Variants in MAN1A2 observed in about 807,000 individuals in gnomAD.
The protein encoded by MAN1A2 is mannosyl-oligosaccharide 1,2-alpha-mannosidase IB.
Under a neutral mutation model 75.7 loss-of-function variants are expected in MAN1A2, and 26 were observed. That is an observed-to-expected ratio of 0.34 (90% confidence interval 0.25 to 0.48). The LOEUF (loss-of-function observed/expected upper bound fraction) is 0.48, where lower values mean the gene tolerates loss of function less well. Among genes scored for constraint, MAN1A2 ranks in the 20% least tolerant of loss-of-function variants. The pLI is 0.99. For synonymous variants in MAN1A2, 247 were observed against 264.6 expected (o/e 0.93, Z 0.65); for missense variants, 562 against 775.5 (o/e 0.72, Z 3.27).
intron 12 of MAN1A2, among the ~76,000 whole-genome samples, chr1:117,505,789 A>G (rs1201932566): frequency 6.6e-6 from 1 of 151,366 alleles, no homozygotes; most frequent in East Asian, 1.9e-4. Context: ...TTGCTAAATT[A>G]TAAAATGACT....
chr1:117,378,674 A>G (rs1037591565), intron 1 of MAN1A2, among the ~76,000 whole-genome samples: 4 of 152,052 alleles, frequency 2.6e-5, no homozygotes, highest in African/African-American at 9.7e-5. Context: ...TGAAGTGGTT[A>G]TTATACCAGT....
chr1:117,417,895 C>A (rs901198328), intron 4 of MAN1A2, among the ~76,000 whole-genome samples: 4 of 151,540 alleles, frequency 2.6e-5, no homozygotes, highest in African/African-American at 9.7e-5. Context: ...GCTTGGGCAA[C>A]ATAGTGAGAC....
chr1:117,396,284 A>G (rs1045396306), intron 1 of MAN1A2, among the ~76,000 whole-genome samples: 2 of 152,186 alleles, frequency 1.3e-5, no homozygotes, highest in Non-Finnish European at 2.9e-5. Flanking sequence ...CCCATAATAA[A>G]CAAGCACACT....
chr1:117,471,877 G>A (rs967132622), intron 8 of MAN1A2, among the ~76,000 whole-genome samples: 3 of 151,890 alleles, frequency 2.0e-5, no homozygotes, highest in Non-Finnish European at 2.9e-5. Flanking sequence ...GAAGAAACCG[G>A]ATCAGGTTTT....
At chr1:117,461,330 A>G (rs918828872) in intron 7 of MAN1A2, among the ~76,000 whole-genome samples, 6 of 152,182 alleles carry the variant, frequency 3.9e-5, no homozygotes, top group African/African-American at 1.4e-4. Context: ...GTTCTCATTC[A>G]TATGTGGGAG....
chr1:117,458,523 A>ATATATATTTTTTTTT (rs1553236643), intron 6 of MAN1A2, among the ~76,000 whole-genome samples: 1 of 105,610 alleles, frequency 9.5e-6, no homozygotes, highest in Non-Finnish European at 2.0e-5. Flanking sequence ...ATATATATAT[A>ATATATATTTTTTTTT]TTTTTTTTTT....
intron 8 of MAN1A2, among the ~76,000 whole-genome samples, chr1:117,488,033 A>G (rs1038137492): frequency 6.6e-6 from 1 of 152,050 alleles, no homozygotes. Context: ...TTCTTGTTCT[A>G]TCTGAAATGT....
intron 5 of MAN1A2, among the ~76,000 whole-genome samples, chr1:117,433,740 G>GCAAACTGCACA (rs1279843882): frequency 1.3e-5 from 2 of 152,090 alleles, no homozygotes; most frequent in Admixed American, 6.5e-5. Flanking sequence ...CACACACTTT[G>GCAAACTGCACA]CAGTTTGCAC....
intron 3 of MAN1A2, 150 bp from the exon 4 acceptor site, chr1:117,414,562 AT>A: frequency 2.2e-6 from 1 of 451,300 alleles, no homozygotes; most frequent in Non-Finnish European, 4.0e-6. Context: ...GGTATTCTAA[AT>A]TTTTAGTCCT....
chr1:117,481,095 G>T (rs1361196679), intron 8 of MAN1A2, among the ~76,000 whole-genome samples: 1 of 151,804 alleles, frequency 6.6e-6, no homozygotes, highest in Non-Finnish European at 1.5e-5. Flanking sequence ...CCACTGTTCT[G>T]CCCAGTATTT....
intron 9 of MAN1A2, among the ~76,000 whole-genome samples, chr1:117,496,313 T>C (rs1195883525): frequency 6.6e-6 from 1 of 152,022 alleles, no homozygotes; most frequent in East Asian, 1.9e-4. Flanking sequence ...ATTTTAAAAC[T>C]GAAATGTGAT....
chr1:117,396,082 C>T (rs979506299), intron 1 of MAN1A2, among the ~76,000 whole-genome samples: 1 of 152,176 alleles, frequency 6.6e-6, no homozygotes, highest in African/African-American at 2.4e-5. Flanking sequence ...TTTTATGGGG[C>T]TTCATTATGT....
At chr1:117,436,692 G>A (rs968898405) in intron 5 of MAN1A2, among the ~76,000 whole-genome samples, 9 of 152,306 alleles carry the variant, frequency 5.9e-5, no homozygotes, top group Admixed American at 1.3e-4. Context: ...CAAGCTGAGT[G>A]TTCTCCTATA....
chr1:117,420,646 G>C lies in MAN1A2; in HGVS notation c.852G>C (p.Glu284Asp), dbSNP rs746283013. The stretch of plus-strand genomic sequence containing the variant: ...TTGCAGCATATTACCTATCAGGAGA[G>C]GAGGTGAGCAAAATCAAGCAATGCA... Reference protein sequence around the residue: ...GLLAAYYLSGEEIFKIKAVQL... With the variant: ...GLLAAYYLSGDEIFKIKAVQL... Residue 284 changes from glutamate (E) to aspartate (D), a missense_variant, in exon 5 of 13, where the codon GAG (glutamate) becomes GAC (aspartate). Glu to Asp is a conservative substitution (Grantham distance 45, BLOSUM62 2). Coordinates refer to ENST00000356554, the MANE Select transcript of MAN1A2 (RefSeq NM_006699.5). 1 of 1,610,992 alleles carries C rather than the reference G, an allele frequency of 6.2e-7. No homozygotes were observed. Among genetic ancestry groups the C allele is most frequent in the South Asian group, 1.1e-5 (1 of 90,914 alleles).
chr1:117,514,895 A>G (rs1294091834), intron 12 of MAN1A2: 1 of 533,132 alleles, frequency 1.9e-6, no homozygotes, highest in Non-Finnish European at 3.9e-6. Context: ...GGATGAAAAG[A>G]GTAGCATCAA....
intron 6 of MAN1A2, among the ~76,000 whole-genome samples, chr1:117,457,362 A>C (rs1229762726): frequency 6.6e-6 from 1 of 152,048 alleles, no homozygotes; most frequent in African/African-American, 2.4e-5. Flanking sequence ...CAGTTGAGAA[A>C]AAAACATAAC....
intron 1 of MAN1A2, among the ~76,000 whole-genome samples, chr1:117,383,749 AT>A (rs879757603): frequency 3.1e-4 from 46 of 147,822 alleles, no homozygotes; most frequent in Admixed American, 4.1e-4. Context: ...TTCTTTAAAA[AT>A]TTTTTTTTTT....
intron 5 of MAN1A2, among the ~76,000 whole-genome samples, chr1:117,436,660 G>A (rs559355254): frequency 2.0e-5 from 3 of 152,200 alleles, no homozygotes; most frequent in Middle Eastern, 6.8e-3. Flanking sequence ...GCTTACTTTC[G>A]CTTACTATAG....
Position 117,523,743 on chromosome 1 carries a change from G to A in MAN1A2, c.*786G>A, listed in dbSNP as rs992397767. ...GTGCATGTAGTTCAGTCTAGTGTTGGTAGCATGACAGAAAGTGGGGAAAAT... is the reference window on the plus strand; with the variant it reads ...GTGCATGTAGTTCAGTCTAGTGTTGATAGCATGACAGAAAGTGGGGAAAAT... On this transcript the variant is annotated 3_prime_UTR_variant, in exon 13 of 13. Transcript: ENST00000356554. 6.6e-6 allele frequency: 1 copy of A among 151,926 alleles called. No homozygotes were observed. Among genetic ancestry groups the A allele is most frequent in the Non-Finnish European group, 1.5e-5 (1 of 67,958 alleles). 9.4% of individuals were successfully genotyped at this position (151,926 alleles called of 1,614,324 possible). A position where few individuals can be genotyped will look rare whatever the true frequency, so the allele number is the denominator to read the frequency against.
Sources: gnomAD v4.1 joint callset for allele counts (sites outside exome capture counted in the v4.1 genomes callset) on GRCh38, gnomAD v4.1.1 for gene constraint, MANE v1.5 for transcripts, NCBI Gene and HGNC (gene_info 2026-07-23, HGNC 2026-07-21) for gene names.